Variants in ANKRD13B observed in about 807,000 individuals in gnomAD.
ANKRD13B encodes the protein ankyrin repeat domain-containing protein 13B.
Under a neutral mutation model 74.4 loss-of-function variants are expected in ANKRD13B, and 33 were observed. The observed-to-expected ratio is 0.44, with a 90% CI of 0.34 to 0.59. ANKRD13B has a LOEUF of 0.59. ANKRD13B is among the 20% of genes least tolerant of loss of function. The probability of loss-of-function intolerance (pLI) is 0.02; values close to 1 mark genes in which losing one functional copy is unlikely to be tolerated. For missense variants in ANKRD13B, 676 were observed against 877.9 expected (o/e 0.77, Z 2.91); for synonymous variants, 341 against 362.9 (o/e 0.94, Z 0.68).
chr17:29,602,191 C>T (rs1468106341), intron 1 of ANKRD13B, among the ~76,000 whole-genome samples: 3 of 151,812 alleles, frequency 2.0e-5, no homozygotes, highest in Admixed American at 6.6e-5. Context: ...GTCAGGAGAT[C>T]GAGACCATGC....
chr17:29,611,781 CAG>C lies in ANKRD13B; in HGVS notation c.970-92_970-91del. 6.4e-7 allele frequency: 1 copy of C among 1,567,410 alleles called. No homozygotes were observed. The highest frequency in any genetic ancestry group is 8.7e-7 in the Non-Finnish European group (1 of 1,150,846). On this transcript the variant is annotated intron_variant, in intron 9 of 14. Coordinates refer to ENST00000394859, the MANE Select transcript of ANKRD13B (RefSeq NM_152345.5). This position sits in a 1 kb window ranked among gnomAD's most constrained non-coding sequence, Gnocchi z 4.3. Reference sequence around the variant, plus strand: ...CAAGGCCATGTCAGCGCCACACTGGCAGAGGGGACAGCTTGGGGGCCTTGTGA... The same window carrying C: ...CAAGGCCATGTCAGCGCCACACTGGCAGGGGACAGCTTGGGGGCCTTGTGA...
At position 29,612,996 on chromosome 17, in the gene ANKRD13B, G is replaced by A. The variant is rs981649904; in HGVS notation, c.1652+33G>A. 14 of 1,583,170 alleles carry A rather than the reference G, an allele frequency of 8.8e-6. No individual in the cohort carries two copies. Among genetic ancestry groups the A allele is most frequent in the African/African-American group, 2.7e-5 (2 of 74,542 alleles). On this transcript the variant is annotated intron_variant, in intron 14 of 14. Transcript: ENST00000394859. The surrounding 1 kb of genome is among the most constrained non-coding windows in gnomAD (Gnocchi z 6.1). ...CCCGCTGGGCCGGAGAGAATCCTCC[G>A]GAGAGGATCCTGTCTCCCCTAAGCC...
intron 1 of ANKRD13B, among the ~76,000 whole-genome samples, chr17:29,598,414 C>T (rs970166848): frequency 3.9e-5 from 6 of 152,272 alleles, no homozygotes; most frequent in Admixed American, 2.6e-4. Context: ...TCCCACCTCC[C>T]CAGCACTCTG....
chr17:29,601,791 A>G (rs1485846359), intron 1 of ANKRD13B, among the ~76,000 whole-genome samples: 1 of 151,840 alleles, frequency 6.6e-6, no homozygotes, highest in Admixed American at 6.6e-5. Context: ...TTCTAGGTTG[A>G]AAGTTTTTGT....
intron 14 of ANKRD13B, 177 bp downstream of exon 14, chr17:29,613,140 C>T (rs866576365): frequency 1.7e-6 from 2 of 1,156,510 alleles, no homozygotes; most frequent in African/African-American, 1.5e-5. Context: ...CAGGCTTCAC[C>T]GCGGAGTTCA....
intron 1 of ANKRD13B, chr17:29,599,246 G>T (rs2034067920): frequency 6.6e-6 from 1 of 152,272 alleles, no homozygotes; most frequent in South Asian, 2.1e-4. Flanking sequence ...TCAAAGAGAA[G>T]TCTGGGGCCA....
Position 29,607,896 on chromosome 17 carries a change from C to T in ANKRD13B, c.250+19C>T, listed in dbSNP as rs202186985. 1.3e-5 allele frequency: 20 copies of T among 1,585,282 alleles called. No individual in the cohort carries two copies. The highest frequency in any genetic ancestry group is 8.6e-7 in the Non-Finnish European group (1 of 1,164,140). On this transcript the variant is annotated intron_variant, in intron 2 of 14. Transcript: ENST00000394859. ...TGGACAGGTGGGCAGCCCTGCTCAC[C>T]CCAGCCCCACAGCCGGGGCCTCCCC...
At chr17:29,596,402 G>A (rs1038640938) in intron 1 of ANKRD13B, among the ~76,000 whole-genome samples, 21 of 152,252 alleles carry the variant, frequency 1.4e-4, no homozygotes, top group Non-Finnish European at 5.9e-5. Context: ...GGGGGGGACA[G>A]GGTTGTAAGC....
At position 29,611,477 on chromosome 17, in the gene ANKRD13B, G is replaced by A. The variant is rs2034577285; in HGVS notation, c.905-102G>A. The A allele has an allele frequency of 5.5e-6, 7 of 1,278,974 alleles. No individual in the cohort carries two copies. The highest frequency in any genetic ancestry group is 2.3e-5 in the East Asian group (1 of 42,628). 79.2% of individuals were successfully genotyped at this position (1,278,974 alleles called of 1,614,324 possible). A position where few individuals can be genotyped will look rare whatever the true frequency, so the allele number is the denominator to read the frequency against. On this transcript the variant is annotated intron_variant, in intron 8 of 14. Coordinates refer to ENST00000394859, the MANE Select transcript of ANKRD13B (RefSeq NM_152345.5). This position sits in a 1 kb window ranked among gnomAD's most constrained non-coding sequence, Gnocchi z 4.3. ...GGTTGGGTGAGCAGGCCCCACCCCA[G>A]GAACCGGCCTCCTCCCTAGGTCTTG...
At chr17:29,599,055 C>T (rs1049170868) in intron 1 of ANKRD13B, among the ~76,000 whole-genome samples, 14 of 152,110 alleles carry the variant, frequency 9.2e-5, no homozygotes, top group Non-Finnish European at 1.6e-4. Flanking sequence ...GGCACTTGGA[C>T]GGGCAGTGGA....
At chr17:29,599,602 T>C (rs2034080100) in intron 1 of ANKRD13B, among the ~76,000 whole-genome samples, 1 of 151,952 alleles carries the variant, frequency 6.6e-6, no homozygotes, top group African/African-American at 2.4e-5. Context: ...TAAATCCAGG[T>C]GATGTTTACT....
At position 29,612,145 on chromosome 17, in the gene ANKRD13B, A is replaced by G. The variant is rs760386544; in HGVS notation, c.1130A>G (p.Glu377Gly). The G allele has an allele frequency of 1.9e-6, 3 of 1,614,052 alleles. No homozygotes were observed. Among genetic ancestry groups the G allele is most frequent in the Non-Finnish European group, 2.5e-6 (3 of 1,179,990 alleles). The change falls in exon 11 of 15, where the codon GAG (glutamate) becomes GGG (glycine). Residue 377 changes from glutamate to glycine, a missense_variant. By Grantham distance (98) the Glu-to-Gly change is moderately conservative. This residue lies in a region of ANKRD13B where 328 missense variants were observed against 518.4 expected (regional missense o/e 0.63). Coordinates refer to ENST00000394859, the MANE Select transcript of ANKRD13B (RefSeq NM_152345.5). This position sits in a 1 kb window ranked among gnomAD's most constrained non-coding sequence, Gnocchi z 6.1. ...KFKAKLWLCE[E>G]HPLSLCEQVA... ...AAGGCCAAGCTGTGGCTGTGTGAGG[A>G]GCATCCCCTGTCCCTGTGTGAGCAG...
At position 29,611,961 on chromosome 17, in the gene ANKRD13B, A is replaced by G. The variant is rs1322948923; in HGVS notation, c.1055A>G (p.Asn352Ser). The G allele has an allele frequency of 1.2e-5, 19 of 1,614,120 alleles. 1 individual carries two copies. In the East Asian group the frequency reaches 4.0e-4, roughly 34 times the overall value. ...EYFNPNFELG[N>S]RDMGRPMELT... ...TTCAACCCCAACTTTGAGCTGGGCA[A>G]CCGTGATATGGGCCGCCCCATGGAA... Residue 352 changes from asparagine to serine, a missense_variant, in exon 10 of 15, where the codon AAC (asparagine) becomes AGC (serine). By Grantham distance (46) the Asn-to-Ser change is conservative. Coordinates refer to ENST00000394859, the MANE Select transcript of ANKRD13B (RefSeq NM_152345.5). This position sits in a 1 kb window ranked among gnomAD's most constrained non-coding sequence, Gnocchi z 4.3.
chr17:29,596,576 A>T (rs2033963988), intron 1 of ANKRD13B, among the ~76,000 whole-genome samples: 1 of 152,028 alleles, frequency 6.6e-6, no homozygotes, highest in South Asian at 2.1e-4. Flanking sequence ...GGGGAGCAGG[A>T]CTCTGCCCCT....
chr17:29,600,328 C>T (rs2034123566), intron 1 of ANKRD13B, among the ~76,000 whole-genome samples: 1 of 152,102 alleles, frequency 6.6e-6, no homozygotes, highest in South Asian at 2.1e-4. Flanking sequence ...AGGTGGCAGG[C>T]TGGCCTGTTC....
Position 29,608,434 on chromosome 17 carries a change from C to G in ANKRD13B, c.421+194C>G, listed in dbSNP as rs2034465150. On this transcript the variant is annotated intron_variant, in intron 4 of 14. Transcript: ENST00000394859. This position sits in a 1 kb window ranked among gnomAD's most constrained non-coding sequence, Gnocchi z 6.4. ...CTTGACTCCATTATTATTCTCTTCA[C>G]TCTGTCATGATTTGCTTACTGTATT... is the stretch of plus-strand genomic sequence containing the variant. Among the ~76,000 whole-genome samples, 1 of 152,222 alleles carries G rather than the reference C, an allele frequency of 6.6e-6. No individual in the cohort carries two copies. The highest frequency in any genetic ancestry group is 1.5e-5 in the Non-Finnish European group (1 of 68,046).
At position 29,610,693 on chromosome 17, in the gene ANKRD13B, G is replaced by A; in HGVS notation, c.831G>A (p.Gly277=). The A allele has an allele frequency of 6.2e-7, 1 of 1,613,924 alleles. No homozygotes were observed. Among genetic ancestry groups the A allele is most frequent in the Non-Finnish European group, 8.5e-7 (1 of 1,179,918 alleles). Residue 277 remains glycine (G), a synonymous_variant, in exon 8 of 15, where the codon GGG becomes GGA. Transcript: ENST00000394859. ...TCTTCATCTGTCCCCAGGTGTATGGGGCATCTAACGTGGAGCTCATCACCC... is the reference window on the plus strand; with the variant it reads ...TCTTCATCTGTCCCCAGGTGTATGGAGCATCTAACGTGGAGCTCATCACCC... The part of the protein sequence containing the change: ...MVNGYEAKVY[G]ASNVELITRT...
At chr17:29,595,071 G>A (rs1362183300) in intron 1 of ANKRD13B, among the ~76,000 whole-genome samples, 2 of 152,212 alleles carry the variant, frequency 1.3e-5, no homozygotes, top group Non-Finnish European at 2.9e-5. Context: ...CACTCTCCGA[G>A]TTTCTCCTCA....
At position 29,609,222 on chromosome 17, in the gene ANKRD13B, T is replaced by C; in HGVS notation, c.702T>C (p.Leu234=). The change falls in exon 6 of 15, where the codon CTT becomes CTC. Residue 234 remains leucine, a synonymous_variant. Transcript: ENST00000394859. This position sits in a 1 kb window ranked among gnomAD's most constrained non-coding sequence, Gnocchi z 4.0. The part of the protein sequence containing the change: ...QPTEEQVLSR[L]TAPVVTTQLD... ...CTGAGGAACAGGTGCTGAGCCGGCT[T>C]ACCGCGCCCGTCGTCACCACTCAGC... is the stretch of plus-strand genomic sequence containing the variant. The C allele has an allele frequency of 6.2e-7, 1 of 1,613,114 alleles. No homozygotes were observed. Among genetic ancestry groups the C allele is most frequent in the Non-Finnish European group, 8.5e-7 (1 of 1,179,960 alleles).
Sources: allele counts gnomAD v4.1 joint callset (sites outside exome capture counted in the v4.1 genomes callset), GRCh38; gene constraint gnomAD v4.1.1; regional missense constraint gnomAD v4.1.1; non-coding constraint Gnocchi (gnomAD v3.1); transcripts MANE v1.5; gene names NCBI Gene and HGNC (gene_info 2026-07-23, HGNC 2026-07-21).